The following FGD6 variants were observed in gnomAD, a reference collection of about 807,000 sequenced individuals.
FGD6 encodes FYVE, RhoGEF and PH domain-containing protein 6.
FGD6 carries 90 observed loss-of-function variants against 149.4 expected under a neutral mutation model. That is an observed-to-expected ratio of 0.60 (90% CI 0.51 to 0.72). The LOEUF (loss-of-function observed/expected upper bound fraction) is 0.72, where lower values mean the gene tolerates loss of function less well. Among genes scored for constraint, FGD6 ranks in the 30% least tolerant of loss-of-function variants. FGD6 has a pLI of 0.00. For synonymous variants in FGD6, 527 were observed against 584.0 expected, an observed-to-expected ratio of 0.90 and a Z score of 1.41; for missense variants, 1,437 against 1,684.8, an observed-to-expected ratio of 0.85 and a Z score of 2.57.
chr12:95,109,494 A>G (rs1315788185), intron 9 of FGD6, among the ~76,000 whole-genome samples: 1 of 152,150 alleles, frequency 6.6e-6, no homozygotes, highest in East Asian at 1.9e-4. Context: ...AAAAACTGGT[A>G]GAGTGTTAGA....
chr12:95,119,447 A>G (rs888780551), intron 8 of FGD6, among the ~76,000 whole-genome samples: 1 of 152,238 alleles, frequency 6.6e-6, no homozygotes, highest in Non-Finnish European at 1.5e-5. Context: ...GGGGTATATC[A>G]TACAGTACTT....
At chr12:95,113,757 C>T (rs1878913100) in intron 8 of FGD6, 56 bp from the exon 9 acceptor site, 1 of 1,154,608 alleles carries the variant, frequency 8.7e-7, no homozygotes, top group Non-Finnish European at 1.3e-6. Context: ...GCCCCAAACA[C>T]ATATCTTTCT....
intron 14 of FGD6, 79 bp downstream of exon 14, chr12:95,104,928 C>T: frequency 7.3e-7 from 1 of 1,369,592 alleles, no homozygotes. Context: ...AAACCAAAAA[C>T]CAAAATTTTC....
chr12:95,193,321 C>A (rs1158885402), intron 2 of FGD6, among the ~76,000 whole-genome samples: 1 of 151,490 alleles, frequency 6.6e-6, no homozygotes, highest in Non-Finnish European at 1.5e-5. Flanking sequence ...TATTGGCATA[C>A]GCAACAACTT....
At chr12:95,104,001 A>G (rs1183928445) in intron 14 of FGD6, among the ~76,000 whole-genome samples, 1 of 152,246 alleles carries the variant, frequency 6.6e-6, no homozygotes, top group Non-Finnish European at 1.5e-5. Context: ...TGACACCTAC[A>G]AATTTCCTAA....
intron 1 of FGD6, among the ~76,000 whole-genome samples, chr12:95,214,715 A>G (rs1056918739): frequency 5.3e-5 from 8 of 152,202 alleles, no homozygotes; most frequent in African/African-American, 1.9e-4. Context: ...TCTGTTACAC[A>G]CAGATGGCTG....
At chr12:95,115,399 G>T (rs1473123440) in intron 8 of FGD6, among the ~76,000 whole-genome samples, 4 of 52,430 alleles carry the variant, frequency 7.6e-5, no homozygotes, top group Admixed American at 2.8e-4. Context: ...CTCCATGTCT[G>T]CTTTTTTTTT....
Position 95,091,699 on chromosome 12 carries a change from T to G in FGD6, c.3850+8A>C, listed in dbSNP as rs1311238076. ...GAATTTTTGGTTAAATCCTTACTTATATATTACCTAATTTCTGCAGTTCTT... is the reference window on the plus strand; with the variant it reads ...GAATTTTTGGTTAAATCCTTACTTAGATATTACCTAATTTCTGCAGTTCTT... On this transcript the variant is annotated splice_region_variant and intron_variant, in intron 17 of 20. Coordinates refer to ENST00000343958, the MANE Select transcript of FGD6 (RefSeq NM_018351.4). 1 of 1,606,846 alleles carries G rather than the reference T, an allele frequency of 6.2e-7. No homozygotes were observed.
chr12:95,142,687 T>C (rs577936318), intron 5 of FGD6, among the ~76,000 whole-genome samples: 41 of 152,340 alleles, frequency 2.7e-4, no homozygotes, highest in African/African-American at 8.9e-4. Context: ...ATAATACTAG[T>C]TATGAGACTT....
chr12:95,147,372 CA>C (rs1379982803), intron 5 of FGD6, among the ~76,000 whole-genome samples: 1 of 152,112 alleles, frequency 6.6e-6, no homozygotes, highest in Non-Finnish European at 1.5e-5. Flanking sequence ...ATCATCAATG[CA>C]AAACTGTAGA....
intron 8 of FGD6, chr12:95,117,052 A>G (rs1879039203): frequency 8.9e-6 from 3 of 335,656 alleles, no homozygotes; most frequent in South Asian, 2.5e-5. Context: ...CCTATTACCT[A>G]TCACTTAGGA....
At chr12:95,175,816 A>AAAAG (rs1565916349) in intron 2 of FGD6, among the ~76,000 whole-genome samples, 7 of 137,544 alleles carry the variant, frequency 5.1e-5, no homozygotes, top group African/African-American at 1.1e-4. Context: ...AAAAAAAAAA[A>AAAAG]AAAGAAAAAA....
chr12:95,158,151 T>C (rs1481620953), intron 3 of FGD6, among the ~76,000 whole-genome samples: 1 of 138,362 alleles, frequency 7.2e-6, no homozygotes, highest in Non-Finnish European at 1.5e-5. Flanking sequence ...TGCCTGGCCA[T>C]ACATTCACTC....
chr12:95,107,536 A>C, intron 12 of FGD6, 27 bp downstream of exon 12: 1 of 1,612,208 alleles, frequency 6.2e-7, no homozygotes, highest in Non-Finnish European at 8.5e-7. Flanking sequence ...TACCTCGGCC[A>C]CATCAGAACT....
intron 2 of FGD6, among the ~76,000 whole-genome samples, chr12:95,173,966 C>G (rs989727944): frequency 2.6e-5 from 4 of 152,120 alleles, no homozygotes; most frequent in Admixed American, 6.5e-5. Flanking sequence ...TCCTGGAGCC[C>G]AACTGTTACA....
At chr12:95,095,904 C>T (rs1272328599) in intron 14 of FGD6, among the ~76,000 whole-genome samples, 1 of 151,874 alleles carries the variant, frequency 6.6e-6, no homozygotes, top group African/African-American at 2.4e-5. Flanking sequence ...ATCCCAGCTA[C>T]TCAGGGGGCT....
Position 95,209,110 on chromosome 12 carries a change from T to A in FGD6, c.2174A>T (p.Gln725Leu), listed in dbSNP as rs1181225905. ...NGLRAESLDD[Q>L]MLSRESSSQA... is the part of the protein sequence containing the mutation. ...AGATGATGACTCCCGGGAGAGCATT[T>A]GGTCATCCAAAGACTCAGCTCTCAG... is the stretch of plus-strand genomic sequence containing the variant. The change falls in exon 2 of 21, where the codon CAA (glutamine) becomes CTA (leucine). Residue 725 changes from glutamine to leucine, a missense_variant. Gln to Leu is a moderately radical substitution (Grantham distance 113). This residue lies in a region of FGD6 where 1,055 missense variants were observed against 1,146.0 expected (regional missense o/e 0.92). Transcript: ENST00000343958. The A allele has an allele frequency of 1.9e-6, 3 of 1,614,154 alleles. No individual in the cohort carries two copies. The highest frequency in any genetic ancestry group is 2.5e-6 in the Non-Finnish European group (3 of 1,180,026).
chr12:95,152,778 T>G (rs1230791409), intron 5 of FGD6, 33 bp downstream of exon 5: 1 of 1,598,260 alleles, frequency 6.3e-7, no homozygotes, highest in South Asian at 1.1e-5. Context: ...GGGAATAGTC[T>G]TAGACTTCAA....
chr12:95,133,029 A>G (rs1023610362), intron 8 of FGD6, among the ~76,000 whole-genome samples: 2 of 152,252 alleles, frequency 1.3e-5, no homozygotes, highest in Non-Finnish European at 2.9e-5. Flanking sequence ...CAAAAGCAGA[A>G]GTAAGAAAGT....
Sources: allele counts gnomAD v4.1 joint callset (sites outside exome capture counted in the v4.1 genomes callset), GRCh38; gene constraint gnomAD v4.1.1; regional missense constraint gnomAD v4.1.1; transcripts MANE v1.5; gene names NCBI Gene and HGNC (gene_info 2026-07-23, HGNC 2026-07-21).